Variants in ASTN2 observed in about 807,000 individuals in gnomAD.
The protein encoded by ASTN2 is astrotactin 2.
ASTN2 carries 54 observed loss-of-function variants against 139.8 expected under a neutral mutation model. The ratio of observed to expected loss-of-function variants is 0.39; its 90% CI spans 0.31 to 0.48. The LOEUF (loss-of-function observed/expected upper bound fraction) is 0.48, where lower values mean the gene tolerates loss of function less well. Among genes scored for constraint, ASTN2 ranks in the 20% least tolerant of loss-of-function variants. The probability of loss-of-function intolerance (pLI) is 0.95; values close to 1 mark genes in which losing one functional copy is unlikely to be tolerated. For synonymous variants in ASTN2, 756 were observed against 719.5 expected (o/e 1.05, Z -0.81); for missense variants, 1,565 against 1,725.1 (o/e 0.91, Z 1.64).
intron 2 of ASTN2, among the ~76,000 whole-genome samples, chr9:117,239,742 C>T (rs1833151107): frequency 6.6e-6 from 1 of 152,142 alleles, no homozygotes; most frequent in Non-Finnish European, 1.5e-5. Context: ...AGAGTGCAGG[C>T]CCAAACATAA....
intron 7 of ASTN2, among the ~76,000 whole-genome samples, chr9:116,992,491 C>G (rs976309129): frequency 5.9e-5 from 9 of 152,150 alleles, no homozygotes; most frequent in Non-Finnish European, 8.8e-5. Flanking sequence ...AGGGTTATCA[C>G]CTAAAAATGA....
chr9:117,200,419 G>A (rs1831669098), intron 3 of ASTN2, among the ~76,000 whole-genome samples: 1 of 152,144 alleles, frequency 6.6e-6, no homozygotes, highest in Non-Finnish European at 1.5e-5. Context: ...AGTGGTGAGA[G>A]AGGGCATCCT....
In ASTN2 at chr9:117,028,702, CTG is replaced by C. The variant is rs776012836; in HGVS notation, c.1423+11115_1423+11116del. On this transcript the variant is annotated intron_variant, in intron 6 of 22. Coordinates refer to ENST00000313400, the MANE Select transcript of ASTN2 (RefSeq NM_001365068.1). ...CTTGTGGGCTCAGCTGTTTGCTCAG[CTG>C]TCTCTGCTCCCTACCTCCCTGTTCA... Among the ~76,000 whole-genome samples the C allele has an allele frequency of 4.7e-4, 72 of 152,312 alleles. No homozygotes were observed. In the Middle Eastern group the frequency reaches 0.01, roughly 22 times the overall value.
intron 10 of ASTN2, among the ~76,000 whole-genome samples, chr9:116,931,938 C>T (rs758030196): frequency 2.6e-5 from 4 of 151,894 alleles, no homozygotes; most frequent in South Asian, 4.2e-4. Context: ...ATAGCAATCA[C>T]AAAGGGATGG....
At chr9:117,228,128 C>T (rs1832773419) in intron 2 of ASTN2, among the ~76,000 whole-genome samples, 1 of 152,060 alleles carries the variant, frequency 6.6e-6, no homozygotes, top group Admixed American at 6.6e-5. Flanking sequence ...GTGCCTTTTC[C>T]TCTTTATGTA....
At chr9:117,192,248 G>T (rs1056139904) in intron 3 of ASTN2, among the ~76,000 whole-genome samples, 20 of 152,134 alleles carry the variant, frequency 1.3e-4, no homozygotes, top group African/African-American at 4.8e-4. Context: ...CACCAGCTAA[G>T]AAACCAAAGC....
intron 19 of ASTN2, among the ~76,000 whole-genome samples, chr9:116,525,026 G>A (rs1240898970): frequency 1.3e-5 from 2 of 152,166 alleles, no homozygotes; most frequent in African/African-American, 4.8e-5. Context: ...GGGATATGTG[G>A]AAAAGTTTGA....
chr9:117,055,053 C>A (rs879699714), intron 5 of ASTN2, among the ~76,000 whole-genome samples: 17 of 152,154 alleles, frequency 1.1e-4, no homozygotes, highest in Non-Finnish European at 2.2e-4. Context: ...CTCACTTGCC[C>A]ACCGCTCACC....
At chr9:117,226,926 T>G (rs1832732335) in intron 2 of ASTN2, among the ~76,000 whole-genome samples, 1 of 152,300 alleles carries the variant, frequency 6.6e-6, no homozygotes, top group African/African-American at 2.4e-5. Context: ...AACCTTAAAA[T>G]ACTGTGCCAA....
At chr9:117,135,879 G>A (rs567767330) in intron 4 of ASTN2, among the ~76,000 whole-genome samples, 7 of 152,238 alleles carry the variant, frequency 4.6e-5, no homozygotes, top group African/African-American at 1.7e-4. Context: ...AGGCATACTG[G>A]GGGAAGGGAG....
chr9:116,999,000 C>T (rs1221465173), intron 7 of ASTN2, among the ~76,000 whole-genome samples: 1 of 152,138 alleles, frequency 6.6e-6, no homozygotes, highest in Non-Finnish European at 1.5e-5. Flanking sequence ...TATAAGATTG[C>T]TATATGACAT....
chr9:116,537,920 C>T (rs1851714124), intron 19 of ASTN2, among the ~76,000 whole-genome samples: 1 of 152,176 alleles, frequency 6.6e-6, no homozygotes, highest in African/African-American at 2.4e-5. Context: ...ATAGTTATCA[C>T]AACAAACCTT....
intron 7 of ASTN2, among the ~76,000 whole-genome samples, chr9:116,996,474 A>G (rs1161112360): frequency 6.6e-6 from 1 of 152,170 alleles, no homozygotes; most frequent in Non-Finnish European, 1.5e-5. Context: ...AATAGCACCA[A>G]TGGAGCATAA....
At chr9:116,800,397 G>T (rs1279505950) in intron 13 of ASTN2, among the ~76,000 whole-genome samples, 1 of 152,048 alleles carries the variant, frequency 6.6e-6, no homozygotes, top group East Asian at 1.9e-4. Flanking sequence ...CTCTTAATGT[G>T]CACCATGCTT....
intron 5 of ASTN2, among the ~76,000 whole-genome samples, chr9:117,063,249 C>A (rs1441226756): frequency 1.3e-5 from 2 of 152,084 alleles, no homozygotes; most frequent in Admixed American, 6.5e-5. Context: ...GGTAAAGAAC[C>A]ATTTGGGGCT....
chr9:117,019,567 G>A (rs931448879), intron 6 of ASTN2, among the ~76,000 whole-genome samples: 1 of 152,098 alleles, frequency 6.6e-6, no homozygotes, highest in Admixed American at 6.6e-5. Context: ...ATGAATTCTG[G>A]GAAAGGTAAG....
chr9:117,398,764 TACA>T (rs1365402625), intron 1 of ASTN2, among the ~76,000 whole-genome samples: 1 of 152,202 alleles, frequency 6.6e-6, no homozygotes, highest in Non-Finnish European at 1.5e-5. Flanking sequence ...ATTAATGTGT[TACA>T]ACAACCTTGT....
intron 13 of ASTN2, among the ~76,000 whole-genome samples, chr9:116,751,583 G>A (rs1829404853): frequency 6.6e-6 from 1 of 151,650 alleles, no homozygotes; most frequent in African/African-American, 2.4e-5. Flanking sequence ...GTGATTTAGG[G>A]TTTAAAAAAT....
intron 10 of ASTN2, among the ~76,000 whole-genome samples, chr9:116,918,879 C>T (rs1395904136): frequency 6.6e-6 from 1 of 151,940 alleles, no homozygotes; most frequent in Admixed American, 6.6e-5. Context: ...TTTATATGTG[C>T]CTGGGGTTTA....
Sources: gnomAD v4.1 joint callset for allele counts (sites outside exome capture counted in the v4.1 genomes callset) on GRCh38, gnomAD v4.1.1 for gene constraint, MANE v1.5 for transcripts, NCBI Gene and HGNC (gene_info 2026-07-23, HGNC 2026-07-21) for gene names.